Variants in SLC25A21 observed in about 807,000 individuals in gnomAD.
SLC25A21 encodes mitochondrial 2-oxodicarboxylate carrier.
In SLC25A21, 47 loss-of-function variants were observed where a neutral mutation model predicts 43.8. The observed-to-expected ratio is 1.07, with a 90% CI of 0.85 to 1.37. SLC25A21 has a LOEUF of 1.37. Among genes scored for constraint, SLC25A21 ranks in the 40% most tolerant of loss-of-function variants. SLC25A21 has a pLI of 0.00. For synonymous variants in SLC25A21, 131 were observed against 121.3 expected, an observed-to-expected ratio of 1.08 and a Z score of -0.52; for missense variants, 352 against 350.2, an observed-to-expected ratio of 1.00 and a Z score of -0.04.
chr14:37,102,190 C>A (rs1184886620), intron 1 of SLC25A21, among the ~76,000 whole-genome samples: 1 of 152,026 alleles, frequency 6.6e-6, no homozygotes, highest in Admixed American at 6.5e-5. Flanking sequence ...CCTGTAATCC[C>A]AACACTTTGG....
At chr14:36,966,652 C>T (rs192992974) in intron 1 of SLC25A21, among the ~76,000 whole-genome samples, 10 of 152,354 alleles carry the variant, frequency 6.6e-5, no homozygotes, top group African/African-American at 2.2e-4. Flanking sequence ...ACATTCCCAT[C>T]GAATAACAAC....
At chr14:36,885,102 C>T (rs2774045) in intron 1 of SLC25A21, among the ~76,000 whole-genome samples, 121,936 of 151,804 alleles carry the variant, frequency 0.8, 49,633 homozygotes, top group Non-Finnish European at 0.86. Context: ...TCAGCTCTTA[C>T]GTTTAAGTCT....
intron 3 of SLC25A21, among the ~76,000 whole-genome samples, chr14:36,742,778 T>C (rs1350915185): frequency 2.0e-5 from 3 of 152,218 alleles, no homozygotes; most frequent in East Asian, 3.8e-4. Flanking sequence ...CTTCAGGCAA[T>C]GACAATATAG....
intron 1 of SLC25A21, among the ~76,000 whole-genome samples, chr14:36,955,281 T>C (rs1005231724): frequency 3.3e-5 from 5 of 152,148 alleles, no homozygotes; most frequent in Non-Finnish European, 5.9e-5. Context: ...AATAACTAGG[T>C]ATAATGGCTG....
chr14:37,157,817 G>T (rs1469317932), intron 1 of SLC25A21, among the ~76,000 whole-genome samples: 2 of 152,008 alleles, frequency 1.3e-5, no homozygotes, highest in Non-Finnish European at 2.9e-5. Context: ...GCTATTCAAA[G>T]GATAAATAAA....
intron 1 of SLC25A21, among the ~76,000 whole-genome samples, chr14:36,899,249 G>A (rs1406886424): frequency 6.6e-6 from 1 of 151,068 alleles, no homozygotes; most frequent in African/African-American, 2.4e-5. Context: ...CTAAAATTGA[G>A]GTAAAATAAA....
chr14:37,032,906 T>A (rs1961249765), intron 1 of SLC25A21, among the ~76,000 whole-genome samples: 1 of 152,120 alleles, frequency 6.6e-6, no homozygotes, highest in Admixed American at 6.5e-5. Context: ...AAGCAGACTG[T>A]TACAATGAAG....
intron 1 of SLC25A21, among the ~76,000 whole-genome samples, chr14:36,932,553 A>G (rs551696412): frequency 3.7e-4 from 56 of 152,074 alleles, no homozygotes; most frequent in Non-Finnish European, 7.1e-4. Context: ...GGTGCTGGTG[A>G]AACAAAATTA....
intron 1 of SLC25A21, among the ~76,000 whole-genome samples, chr14:37,151,451 T>C (rs974110472): frequency 3.3e-5 from 5 of 152,202 alleles, no homozygotes; most frequent in Non-Finnish European, 5.9e-5. Flanking sequence ...TGGCTGGCAT[T>C]TAAAAATCTG....
intron 3 of SLC25A21, among the ~76,000 whole-genome samples, chr14:36,794,921 A>G (rs535281763): frequency 1.3e-4 from 20 of 152,298 alleles, no homozygotes; most frequent in African/African-American, 4.8e-4. Context: ...TTGAAATTTT[A>G]CTGACAGGAT....
intron 2 of SLC25A21, among the ~76,000 whole-genome samples, chr14:36,817,187 A>G (rs1888485703): frequency 1.3e-5 from 2 of 151,694 alleles, no homozygotes; most frequent in Non-Finnish European, 2.9e-5. Context: ...TATTACCTTC[A>G]ACCTCAAGAA....
At chr14:37,013,475 T>G (rs761416462) in intron 1 of SLC25A21, among the ~76,000 whole-genome samples, 4 of 152,206 alleles carry the variant, frequency 2.6e-5, no homozygotes, top group Non-Finnish European at 5.9e-5. Context: ...CTTAGCTTTC[T>G]GTATCTTAAC....
At chr14:36,890,975 T>C (rs948008121) in intron 1 of SLC25A21, among the ~76,000 whole-genome samples, 14 of 152,206 alleles carry the variant, frequency 9.2e-5, no homozygotes, top group Admixed American at 6.5e-4. Flanking sequence ...GACGGGTTAC[T>C]TTTCTAAGAA....
chr14:36,962,401 C>T (rs1308385592), intron 1 of SLC25A21, among the ~76,000 whole-genome samples: 1 of 152,080 alleles, frequency 6.6e-6, no homozygotes, highest in East Asian at 1.9e-4. Context: ...TCATGTTGTA[C>T]ATTTGATCTC....
intron 1 of SLC25A21, among the ~76,000 whole-genome samples, chr14:37,077,944 T>A (rs947118116): frequency 1.4e-4 from 21 of 152,290 alleles, no homozygotes; most frequent in Non-Finnish European, 2.6e-4. Context: ...ATTTTAAAAA[T>A]TTTTTTAAAA....
chr14:36,888,011 G>A (rs1314633802), intron 1 of SLC25A21, among the ~76,000 whole-genome samples: 2 of 152,100 alleles, frequency 1.3e-5, no homozygotes, highest in African/African-American at 4.8e-5. Flanking sequence ...GCGGCATCAT[G>A]TTAGTAGCTC....
intron 2 of SLC25A21, among the ~76,000 whole-genome samples, chr14:36,846,707 A>G (rs1889555279): frequency 6.6e-6 from 1 of 152,184 alleles, no homozygotes; most frequent in Non-Finnish European, 1.5e-5. Flanking sequence ...TTTAATTTAC[A>G]TATCTGTCCA....
chr14:36,722,489 G>C (rs1278721423), intron 6 of SLC25A21, among the ~76,000 whole-genome samples: 1 of 152,192 alleles, frequency 6.6e-6, no homozygotes, highest in Admixed American at 6.5e-5. Flanking sequence ...GGACTGCTCT[G>C]ATGGGGGATG....
chr14:36,718,969 G>A (rs1486188404), intron 6 of SLC25A21, among the ~76,000 whole-genome samples: 3 of 152,160 alleles, frequency 2.0e-5, no homozygotes, highest in Admixed American at 2.0e-4. Flanking sequence ...ATGTTCATAT[G>A]TAACGTAGAT....
Sources: gnomAD v4.1 joint callset for allele counts (sites outside exome capture counted in the v4.1 genomes callset) on GRCh38, gnomAD v4.1.1 for gene constraint, MANE v1.5 for transcripts, NCBI Gene and HGNC (gene_info 2026-07-23, HGNC 2026-07-21) for gene names.